The following CNTN5 variants were observed in gnomAD, a reference collection of about 807,000 sequenced individuals.
The protein encoded by CNTN5 is contactin 5.
CNTN5 carries 77 observed loss-of-function variants against 129.1 expected under a neutral mutation model. That is an observed-to-expected ratio of 0.60 (90% CI 0.50 to 0.72). The LOEUF is 0.72. Ranked by LOEUF, CNTN5 falls within the 30% of genes least tolerant of loss-of-function variation. CNTN5 has a pLI of 0.00. For synonymous variants in CNTN5, 509 were observed against 465.6 expected (o/e 1.09, Z -1.20); for missense variants, 1,478 against 1,328.8 (o/e 1.11, Z -1.75).
chr11:99,836,078 C>G (rs757025814), intron 4 of CNTN5, among the ~76,000 whole-genome samples: 1 of 149,614 alleles, frequency 6.7e-6, no homozygotes, highest in Non-Finnish European at 1.5e-5. Flanking sequence ...ATGGTTATTC[C>G]TTGATTATAT....
chr11:100,295,439 T>A, intron 18 of CNTN5, among the ~76,000 whole-genome samples: 1 of 151,492 alleles, frequency 6.6e-6, no homozygotes, highest in East Asian at 1.9e-4. Flanking sequence ...AATGTTCACT[T>A]GTTTTTTTTT....
At chr11:99,727,253 C>G (rs1275230751) in intron 3 of CNTN5, among the ~76,000 whole-genome samples, 2 of 134,624 alleles carry the variant, frequency 1.5e-5, no homozygotes, top group Non-Finnish European at 3.1e-5. Context: ...TTGCAGTGAG[C>G]CGAGATTGCG....
intron 21 of CNTN5, among the ~76,000 whole-genome samples, chr11:100,316,549 T>G (rs1397320594): frequency 2.6e-5 from 4 of 152,220 alleles, no homozygotes; most frequent in Non-Finnish European, 5.9e-5. Context: ...GGGTGTAAGC[T>G]TCTCTGTTTT....
intron 3 of CNTN5, among the ~76,000 whole-genome samples, chr11:99,751,364 T>A (rs1390843558): frequency 6.6e-6 from 1 of 151,788 alleles, no homozygotes; most frequent in Admixed American, 6.6e-5. Context: ...AATTCAAAAA[T>A]AAAAAATAAG....
rs537068590 is a variant in CNTN5, at chr11:99,946,245, T to C, written c.674-10561T>C. ...TATAATATTGTGTAACTCTCCTGGG[T>C]TCCAAGAAAATTATAGTATTTTTAT... is the stretch of plus-strand genomic sequence containing the variant. On this transcript the variant is annotated intron_variant, in intron 7 of 24. Transcript: ENST00000524871. Among the ~76,000 whole-genome samples, 4 of 152,236 alleles carry C rather than the reference T, an allele frequency of 2.6e-5. No individual in the cohort carries two copies. In the South Asian group the frequency reaches 8.3e-4, roughly 32 times the overall value.
intron 23 of CNTN5, 95 bp downstream of exon 23, chr11:100,341,300 C>A (rs1027911644): frequency 2.8e-5 from 24 of 859,144 alleles, no homozygotes; most frequent in South Asian, 3.1e-5. Context: ...ACCCATTAAC[C>A]AACCTATTTT....
intron 2 of CNTN5, among the ~76,000 whole-genome samples, chr11:99,404,245 T>C (rs188526211): frequency 6.6e-6 from 1 of 151,716 alleles, no homozygotes; most frequent in East Asian, 1.9e-4. Flanking sequence ...ACTATGTGTG[T>C]ATTTATAAGT....
intron 2 of CNTN5, among the ~76,000 whole-genome samples, chr11:99,549,960 A>C (rs1367275536): frequency 1.3e-5 from 2 of 152,136 alleles, no homozygotes; most frequent in African/African-American, 4.8e-5. Context: ...GTTGACTTGA[A>C]GTCTCAGAAA....
At chr11:99,324,306 T>C (rs1865692895) in intron 1 of CNTN5, among the ~76,000 whole-genome samples, 1 of 152,224 alleles carries the variant, frequency 6.6e-6, no homozygotes, top group Non-Finnish European at 1.5e-5. Flanking sequence ...ACTCTGAGGT[T>C]ATCAATCTCA....
chr11:99,446,272 C>A (rs1215773493), intron 2 of CNTN5, among the ~76,000 whole-genome samples: 1 of 151,992 alleles, frequency 6.6e-6, no homozygotes. Context: ...CCTTGGTGCA[C>A]ATTATTTTCT....
intron 18 of CNTN5, among the ~76,000 whole-genome samples, chr11:100,281,996 A>ATTTTTTT (rs34162956): frequency 8.1e-6 from 1 of 123,162 alleles, no homozygotes; most frequent in African/African-American, 2.9e-5. Context: ...TTGGCATTCT[A>ATTTTTTT]TTTTTTTTTT....
intron 3 of CNTN5, among the ~76,000 whole-genome samples, chr11:99,602,628 G>T (rs1234196114): frequency 6.6e-6 from 1 of 151,988 alleles, no homozygotes; most frequent in African/African-American, 2.4e-5. Context: ...TTATGGGAAG[G>T]TCTGGGGAGG....
intron 6 of CNTN5, among the ~76,000 whole-genome samples, chr11:99,878,242 A>G (rs977875682): frequency 1.3e-5 from 2 of 152,178 alleles, no homozygotes; most frequent in African/African-American, 4.8e-5. Context: ...AATCAGAGTC[A>G]AATGTCTTGG....
At chr11:99,753,329 A>G (rs913194314) in intron 3 of CNTN5, among the ~76,000 whole-genome samples, 5 of 151,068 alleles carry the variant, frequency 3.3e-5, no homozygotes, top group African/African-American at 7.3e-5. Context: ...TCACCGTGTT[A>G]GCCAGGATGG....
At chr11:100,203,622 G>C (rs1385865981) in intron 15 of CNTN5, among the ~76,000 whole-genome samples, 1 of 151,672 alleles carries the variant, frequency 6.6e-6, no homozygotes, top group Non-Finnish European at 1.5e-5. Context: ...ATTCCATTTT[G>C]AATCTGTTGA....
intron 2 of CNTN5, among the ~76,000 whole-genome samples, chr11:99,456,980 C>T (rs1401677402): frequency 6.6e-6 from 1 of 151,846 alleles, no homozygotes; most frequent in Non-Finnish European, 1.5e-5. Flanking sequence ...ATAGATGCTT[C>T]TGATAAAATA....
chr11:100,309,651 A>T, intron 21 of CNTN5: 1 of 983,992 alleles, frequency 1.0e-6, no homozygotes, highest in Non-Finnish European at 1.2e-6. Flanking sequence ...GCAAATGATA[A>T]TATATATATT....
chr11:99,876,623 G>A (rs1401502639), intron 6 of CNTN5, among the ~76,000 whole-genome samples: 6 of 152,102 alleles, frequency 3.9e-5, no homozygotes, highest in Non-Finnish European at 8.8e-5. Context: ...ATGAATAAAT[G>A]ATCTTTCAGA....
intron 4 of CNTN5, among the ~76,000 whole-genome samples, chr11:99,835,110 G>C (rs551701635): frequency 1.3e-5 from 2 of 152,302 alleles, no homozygotes; most frequent in East Asian, 1.9e-4. Context: ...CCAGATTATT[G>C]AGTCCTACTT....
Sources: gnomAD v4.1 joint callset for allele counts (sites outside exome capture counted in the v4.1 genomes callset) on GRCh38, gnomAD v4.1.1 for gene constraint, MANE v1.5 for transcripts, NCBI Gene and HGNC (gene_info 2026-07-23, HGNC 2026-07-21) for gene names.